The following TTN variants were observed in gnomAD, a reference collection of about 807,000 sequenced individuals.
TTN encodes connectin.
In TTN, 1,525 loss-of-function variants were observed where a neutral mutation model predicts 3,223.0. That is an observed-to-expected ratio of 0.47 (90% CI 0.45 to 0.49). The LOEUF (loss-of-function observed/expected upper bound fraction) is 0.49, where lower values mean the gene tolerates loss of function less well. TTN is among the 20% of genes least tolerant of loss of function. TTN has a pLI of 0.00. For missense variants in TTN, 40,786 were observed against 43,424.0 expected (o/e 0.94, Z 5.40); for synonymous variants, 14,094 against 15,161.0 (o/e 0.93, Z 5.17).
At position 178,549,492 on chromosome 2, in the gene TTN, A is replaced by G; in HGVS notation, c.92153-19T>C. On this transcript the variant is annotated intron_variant, in intron 338 of 362. Coordinates refer to ENST00000589042, the MANE Select transcript of TTN (RefSeq NM_001267550.2). ...GGAACAGCTGTAAAACAAAAACAAAACCCCAAATCAATTAGATGCATTTGC... is the reference window on the plus strand; with the variant it reads ...GGAACAGCTGTAAAACAAAAACAAAGCCCCAAATCAATTAGATGCATTTGC... 1 of 1,593,240 alleles carries G rather than the reference A, an allele frequency of 6.3e-7. No homozygotes were observed. The highest frequency in any genetic ancestry group is 1.3e-5 in the African/African-American group (1 of 74,160).
At chr2:178,724,632 G>A (rs1390940521) in intron 71 of TTN, 94 bp from the exon 72 acceptor site, 1 of 1,324,328 alleles carries the variant, frequency 7.6e-7, no homozygotes, top group Non-Finnish European at 9.8e-7. Context: ...CCAGTGAGAT[G>A]GTTATGTTAG....
rs533511673 is a variant in TTN, at chr2:178,711,788, C to A, written c.27886+156G>T. ...TAGTCATATTATCTCTCTGTAGAAT[C>A]CATAGAAAAAGATAAGCCACTAACT... On this transcript the variant is annotated intron_variant, in intron 96 of 362. Coordinates refer to ENST00000589042, the MANE Select transcript of TTN (RefSeq NM_001267550.2). Among the ~76,000 whole-genome samples, 172 of 152,210 alleles carry A rather than the reference C, an allele frequency of 1.1e-3. 1 individual carries two copies. Among genetic ancestry groups the A allele is most frequent in the Non-Finnish European group, 2.1e-3 (145 of 68,000 alleles).
Position 178,647,095 on chromosome 2 carries a change from G to T in TTN, c.40191C>A (p.Thr13397=). Residue 13397 remains threonine (T), a synonymous_variant, in exon 215 of 363, where the codon ACC becomes ACA. Transcript: ENST00000589042. ...CAGGGGGAGTCTCTTTTCTACCAATGGTTATAGATGCTTTTTCTTCATATA... is the reference window on the plus strand; with the variant it reads ...CAGGGGGAGTCTCTTTTCTACCAATTGTTATAGATGCTTTTTCTTCATATA... The part of the protein sequence containing the change: ...EIIYEEKASI[T]IGRKETPPVE... The T allele has an allele frequency of 7.2e-7, 1 of 1,389,110 alleles. No homozygotes were observed. The highest frequency in any genetic ancestry group is 1.7e-5 in the South Asian group (1 of 58,104). 86.0% of individuals were successfully genotyped at this position (1,389,110 alleles called of 1,614,324 possible). A position where few individuals can be genotyped will look rare whatever the true frequency, so the allele number is the denominator to read the frequency against.
chr2:178,587,678 C>T lies in TTN; in HGVS notation c.63631G>A (p.Val21211Ile). 1 of 1,612,950 alleles carries T rather than the reference C, an allele frequency of 6.2e-7. No homozygotes were observed. The highest frequency in any genetic ancestry group is 8.5e-7 in the Non-Finnish European group (1 of 1,179,426). The change falls in exon 306 of 363, where the codon GTT becomes ATT. Residue 21211 changes from valine to isoleucine, a missense_variant. Physicochemically the swap from Val to Ile is conservative, Grantham distance 29. Transcript: ENST00000589042. The stretch of plus-strand genomic sequence containing the variant: ...TTTCTGACCACATTATCAATGCCAA[C>T]TTTTCGCCAAGTGACTTTAGGGGCT... ...RPAPKVTWRK[V>I]GIDNVVRKGQ...
In TTN at chr2:178,605,509, T is replaced by C; in HGVS notation, c.53786A>G (p.Glu17929Gly). 1 of 1,612,402 alleles carries C rather than the reference T, an allele frequency of 6.2e-7. No homozygotes were observed. The highest frequency in any genetic ancestry group is 8.5e-7 in the Non-Finnish European group (1 of 1,178,908). The part of the protein sequence containing the change: ...TTSFLVENLD[E>G]HQMYEFRVKA... ...GACACGGAACTCATACATTTGGTGT[T>C]CATCAAGATTTTCAACCAGAAAAGA... The change falls in exon 279 of 363, where the codon GAA (glutamate) becomes GGA (glycine). Residue 17929 changes from glutamate to glycine, a missense_variant. Transcript: ENST00000589042.
intron 81 of TTN, 70 bp from the exon 82 acceptor site, chr2:178,719,902 A>G: frequency 6.5e-7 from 1 of 1,547,800 alleles, no homozygotes; most frequent in Non-Finnish European, 8.7e-7. Flanking sequence ...TCACTGAATT[A>G]CTGGATAAGA....
chr2:178,702,699 T>C lies in TTN; in HGVS notation c.30224-36A>G, dbSNP rs187188768. The C allele has an allele frequency of 8.6e-4, 1,338 of 1,552,882 alleles. 3 individuals are homozygous for C. The highest frequency in any genetic ancestry group is 2.3e-3 in the South Asian group (188 of 82,152). ...ACAAAGAGGGTTCAAAGTTAGATTA[T>C]ATAGAGAGGAATTTCTTTTACTTGC... On this transcript the variant is annotated intron_variant, in intron 106 of 362. Transcript: ENST00000589042.
At chr2:178,751,792 A>C in intron 47 of TTN, 2 of 1,613,156 alleles carry the variant, frequency 1.2e-6, no homozygotes, top group Non-Finnish European at 1.7e-6. Context: ...TATGAAACCA[A>C]GTCATTTCTG....
rs34928195 is a variant in TTN, at chr2:178,612,605, ATT to A, written c.49949-31_49949-30del. ...AAAAAGAAGGAAGGAAAACAAATTC[ATT>A]TTTTTTTTTATTACCCAATAGTCAG... On this transcript the variant is annotated intron_variant, in intron 265 of 362. Transcript: ENST00000589042. 441 of 1,385,564 alleles carry A rather than the reference ATT, an allele frequency of 3.2e-4. 1 individual carries two copies. The African/African-American group carries it at 4.5e-3, about 14-fold the overall frequency. The allele number at this position is 1,385,564 out of a possible 1,614,324, so 85.8% of individuals were successfully genotyped here.
At position 178,632,704 on chromosome 2, in the gene TTN, C is replaced by A; in HGVS notation, c.43302G>T (p.Glu14434Asp). 6.2e-7 allele frequency: 1 copy of A among 1,613,344 alleles called. No homozygotes were observed. The highest frequency in any genetic ancestry group is 8.5e-7 in the Non-Finnish European group (1 of 1,179,548). The change falls in exon 235 of 363, where the codon GAG (glutamate) becomes GAT (aspartate). Residue 14434 changes from glutamate (E) to aspartate (D), a missense_variant. Glu to Asp is a conservative substitution (Grantham distance 45). Coordinates refer to ENST00000589042, the MANE Select transcript of TTN (RefSeq NM_001267550.2). ...CTTTTAGCCAACGGAATGTTTTGGG[C>A]TCCCTGGATACTTCACACTCAAACT... ...EAKFECEVSR[E>D]PKTFRWLKGT...
In TTN at chr2:178,573,584, T is replaced by G; in HGVS notation, c.72548A>C (p.Lys24183Thr). 6.7e-7 allele frequency: 1 copy of G among 1,499,148 alleles called. No individual in the cohort carries two copies. Among genetic ancestry groups the G allele is most frequent in the Non-Finnish European group, 8.9e-7 (1 of 1,126,804 alleles). The allele number at this position is 1,499,148 out of a possible 1,614,324, so 92.9% of individuals were successfully genotyped here. Residue 24183 changes from lysine to threonine, a missense_variant, in exon 326 of 363, where the codon AAG becomes ACG. Coordinates refer to ENST00000589042, the MANE Select transcript of TTN (RefSeq NM_001267550.2). ...ATTGCCTTTCAAGAGTTTAGTGACC[T>G]TTAGCTTTGTTACTTGGACTTCTGA... ...VASEVQVTKL[K>T]VTKLLKGNEY...
rs1273309840 is a variant in TTN at position 178,539,133 on chromosome 2, G to A, written c.98802C>T (p.Ile32934=). The A allele has an allele frequency of 2.5e-6, 4 of 1,613,708 alleles. No homozygotes were observed. In the South Asian group the frequency reaches 3.3e-5, roughly 13 times the overall value. Residue 32934 remains isoleucine, a synonymous_variant, in exon 353 of 363, where the codon ATC becomes ATT. Coordinates refer to ENST00000589042, the MANE Select transcript of TTN (RefSeq NM_001267550.2). The part of the protein sequence containing the change: ...DGGSRVTGYY[I]ERKETSTDKW... ...TGTCAGTGGATGTCTCTTTGCGTTC[G>A]ATGTAGTAGCCTGTGACTCTAGAAC...
In TTN at chr2:178,570,628, A is replaced by C. The variant is rs375204371; in HGVS notation, c.75504T>G (p.Ser25168Arg). 4.5e-5 allele frequency: 73 copies of C among 1,613,464 alleles called. No homozygotes were observed. In the African/African-American group the frequency reaches 8.1e-4, roughly 18 times the overall value. The change falls in exon 326 of 363, where the codon AGT becomes AGG. Residue 25168 changes from serine to arginine, a missense_variant. By Grantham distance (110) the Ser-to-Arg change is moderately radical. Coordinates refer to ENST00000589042, the MANE Select transcript of TTN (RefSeq NM_001267550.2). ...LEIKSTDFAT[S>R]LSVKDAVRVD... is the part of the protein sequence containing the mutation. ...CACGTACTGCATCTTTTACACTGAG[A>C]CTGGTGGCAAAGTCGGTGCTCTTTA...
At chr2:178,744,187 C>T (rs1038431376) in intron 47 of TTN, among the ~76,000 whole-genome samples, 1 of 151,792 alleles carries the variant, frequency 6.6e-6, no homozygotes, top group Admixed American at 6.6e-5. Context: ...TTGCTAAATG[C>T]AGGTGACAAA....
chr2:178,527,251 C>T lies in TTN; in HGVS notation c.107737G>A (p.Val35913Ile). ...PSDISIDEGK[V>I]LTVACAFTGE... ...GTGAAAGCACAGGCTACTGTTAGAA[C>T]TTTGCCTTCATCAATGCTGATATCA... Residue 35913 changes from valine (V) to isoleucine (I), a missense_variant, in exon 363 of 363, where the codon GTT becomes ATT. Physicochemically the swap from Val to Ile is conservative, Grantham distance 29. Coordinates refer to ENST00000589042, the MANE Select transcript of TTN (RefSeq NM_001267550.2). The T allele has an allele frequency of 6.2e-7, 1 of 1,613,198 alleles. No homozygotes were observed. The highest frequency in any genetic ancestry group is 1.6e-4 in the Middle Eastern group (1 of 6,062).
chr2:178,560,715 C>T lies in TTN; in HGVS notation c.85417G>A (p.Gly28473Arg), dbSNP rs779477617. 1.9e-6 allele frequency: 3 copies of T among 1,613,484 alleles called. No homozygotes were observed. Among genetic ancestry groups the T allele is most frequent in the Admixed American group, 3.3e-5 (2 of 59,958 alleles). Residue 28473 changes from glycine (G) to arginine (R), a missense_variant, in exon 326 of 363, where the codon GGA becomes AGA. Gly to Arg is a moderately radical substitution (Grantham distance 125). Transcript: ENST00000589042. ...GCACCACCATCTTCTTGGGGACGTC[C>T]CCAGGAAAGAGAGCATTTCTCAGCA... ...LTAEKCSLSW[G>R]RPQEDGGADI...
chr2:178,557,581 T>G, intron 328 of TTN, 26 bp from the exon 329 acceptor site: 2 of 1,613,604 alleles, frequency 1.2e-6, no homozygotes, highest in South Asian at 2.2e-5. Flanking sequence ...ATCCTATAGA[T>G]TAGTACAGAC....
intron 17 of TTN, 135 bp from the exon 18 acceptor site, chr2:178,783,199 T>G: frequency 1.2e-6 from 1 of 856,512 alleles, no homozygotes; most frequent in Non-Finnish European, 1.8e-6. Context: ...ACTCCAGAAA[T>G]AGTAGTAGAG....
chr2:178,587,741 A>C lies in TTN; in HGVS notation c.63568T>G (p.Cys21190Gly), dbSNP rs779738957. The C allele has an allele frequency of 1.2e-6, 2 of 1,612,484 alleles. No homozygotes were observed. The highest frequency in any genetic ancestry group is 1.7e-5 in the Admixed American group (1 of 59,908). Residue 21190 changes from cysteine to glycine, a missense_variant, in exon 306 of 363, where the codon TGC becomes GGC. Cys to Gly is a radical substitution (Grantham distance 159, BLOSUM62 -3). Coordinates refer to ENST00000589042, the MANE Select transcript of TTN (RefSeq NM_001267550.2). ...ACTATAGCAAAGAGACGAATAGGGC[A>C]TCCTGCTCTCACTATGACCAGTTTC... is the stretch of plus-strand genomic sequence containing the variant. ...MRKLVIVRAG[C>G]PIRLFAIVRG...
Sources: gnomAD v4.1 joint callset for allele counts (sites outside exome capture counted in the v4.1 genomes callset) on GRCh38, gnomAD v4.1.1 for gene constraint, MANE v1.5 for transcripts, NCBI Gene and HGNC (gene_info 2026-07-23, HGNC 2026-07-21) for gene names.